The following HSD17B12 variants were observed in gnomAD, a reference collection of about 807,000 sequenced individuals.
HSD17B12 encodes hydroxysteroid 17-beta dehydrogenase 12.
A neutral mutation model predicts 39.3 loss-of-function variants in HSD17B12; 32 were observed. The ratio of observed to expected loss-of-function variants is 0.81; its 90% CI spans 0.61 to 1.09. The LOEUF (loss-of-function observed/expected upper bound fraction) is 1.09, where lower values mean the gene tolerates loss of function less well. HSD17B12 is among the 50% of genes least tolerant of loss of function. The pLI, the probability that HSD17B12 is intolerant of heterozygous loss-of-function variation, is 0.00. For missense variants in HSD17B12, 342 were observed against 382.9 expected (o/e 0.89, Z 0.89); for synonymous variants, 150 against 146.7 (o/e 1.02, Z -0.16).
the HSD17B12 span, among the ~76,000 whole-genome samples, chr11:43,628,527 G>A: frequency 2.0e-5 from 3 of 152,228 alleles, no homozygotes; most frequent in South Asian, 6.2e-4. Flanking sequence ...CTGCAGAGCT[G>A]TGTTAGCTTT....
chr11:43,631,229 A>C, the HSD17B12 span, among the ~76,000 whole-genome samples: 1 of 152,250 alleles, frequency 6.6e-6, no homozygotes, highest in African/African-American at 2.4e-5. Context: ...CAGATGGTGG[A>C]CATTTTGGCC....
At chr11:43,660,980 C>T in the HSD17B12 span, among the ~76,000 whole-genome samples, 1 of 152,284 alleles carries the variant, frequency 6.6e-6, no homozygotes, top group African/African-American at 2.4e-5. Flanking sequence ...CAAAAATGAG[C>T]TGGGTGTGGT....
chr11:43,631,570 C>CCTGTCTCTCTCTCTCTCT, the HSD17B12 span, among the ~76,000 whole-genome samples: 4 of 148,300 alleles, frequency 2.7e-5, no homozygotes, highest in African/African-American at 7.5e-5. Context: ...TCTCTCTCTG[C>CCTGTCTCTCTCTCTCTCT]CTGTCTCTCT....
At chr11:43,633,190 G>A in the HSD17B12 span, among the ~76,000 whole-genome samples, 973 of 152,236 alleles carry the variant, frequency 6.4e-3, 2 homozygotes, top group Non-Finnish European at 9.9e-3. Context: ...GAAAAAATGT[G>A]TGTTTCCTTA....
At chr11:43,665,608 G>A in the HSD17B12 span, among the ~76,000 whole-genome samples, 1 of 151,998 alleles carries the variant, frequency 6.6e-6, no homozygotes, top group African/African-American at 2.4e-5. Context: ...AGGTTTCTTG[G>A]TGTCATCCTC....
chr11:43,704,661 G>A (rs11037574), intron 1 of HSD17B12, among the ~76,000 whole-genome samples: 7,951 of 152,256 alleles, frequency 0.052, 251 homozygotes, highest in Middle Eastern at 0.17. Context: ...GTTGGTTTAG[G>A]AGCATGCATA....
the HSD17B12 span, among the ~76,000 whole-genome samples, chr11:43,600,310 T>G: frequency 4.0e-5 from 6 of 150,618 alleles, no homozygotes; most frequent in Non-Finnish European, 6.0e-5. Context: ...TGGATTTCAT[T>G]GTAAACACTT....
the HSD17B12 span, among the ~76,000 whole-genome samples, chr11:43,607,717 T>C: frequency 6.6e-6 from 1 of 152,254 alleles, no homozygotes; most frequent in Non-Finnish European, 1.5e-5. Flanking sequence ...TAGTACTACA[T>C]ACTTTCTCAA....
chr11:43,669,041 A>T, the HSD17B12 span, among the ~76,000 whole-genome samples: 1 of 151,994 alleles, frequency 6.6e-6, no homozygotes, highest in Admixed American at 6.6e-5. Flanking sequence ...ACTGATATTG[A>T]AGAAAATAAA....
rs776512759 is a variant in HSD17B12, at chr11:43,854,807, A to G, written c.777A>G (p.Ala259=). 1.2e-6 allele frequency: 2 copies of G among 1,614,100 alleles called. No homozygotes were observed. The highest frequency in any genetic ancestry group is 4.5e-5 in the East Asian group (2 of 44,906). ...KPSPETFVKS[A]IKTVGLQSRT... is the part of the protein sequence containing the mutation. ...CTCCGGAGACGTTTGTGAAGTCTGC[A>G]ATTAAAACAGTCGGCCTGCAATCCC... Residue 259 remains alanine, a synonymous_variant, in exon 10 of 11, where the codon GCA becomes GCG. Transcript: ENST00000278353.
chr11:43,836,559 G>A (rs1305135590), intron 7 of HSD17B12, among the ~76,000 whole-genome samples: 1 of 151,984 alleles, frequency 6.6e-6, no homozygotes, highest in Non-Finnish European at 1.5e-5. Context: ...ACCCATTAAA[G>A]TATACACTTT....
intron 3 of HSD17B12, among the ~76,000 whole-genome samples, chr11:43,779,882 T>C (rs1347207943): frequency 6.6e-6 from 1 of 151,920 alleles, no homozygotes; most frequent in African/African-American, 2.4e-5. Context: ...TACTACTGTT[T>C]ATCATCCTGG....
intron 3 of HSD17B12, among the ~76,000 whole-genome samples, 184 bp downstream of exon 3, chr11:43,754,305 G>T (rs1441832100): frequency 2.0e-5 from 3 of 152,194 alleles, no homozygotes; most frequent in Non-Finnish European, 4.4e-5. Flanking sequence ...GGGTGCGGTG[G>T]CTCACGCCTG....
the HSD17B12 span, among the ~76,000 whole-genome samples, chr11:43,564,506 C>G: frequency 6.6e-6 from 1 of 152,172 alleles, no homozygotes; most frequent in Non-Finnish European, 1.5e-5. Context: ...AGTTTATAAG[C>G]TCTCAGATTT....
At chr11:43,808,807 A>T (rs995438810) in intron 4 of HSD17B12, among the ~76,000 whole-genome samples, 3 of 152,268 alleles carry the variant, frequency 2.0e-5, no homozygotes, top group Non-Finnish European at 2.9e-5. Context: ...TGCTACTCAC[A>T]AATGTATGAA....
chr11:43,708,622 C>T (rs563589163), intron 1 of HSD17B12, among the ~76,000 whole-genome samples: 10 of 152,234 alleles, frequency 6.6e-5, no homozygotes, highest in Non-Finnish European at 1.0e-4. Flanking sequence ...TTACTGGGAC[C>T]GCAGTAGTTG....
intron 3 of HSD17B12, among the ~76,000 whole-genome samples, chr11:43,792,378 A>G (rs1260416051): frequency 5.9e-5 from 9 of 152,138 alleles, no homozygotes; most frequent in Admixed American, 5.2e-4. Flanking sequence ...TACAAACTGA[A>G]TTTTATGAAT....
At chr11:43,699,314 TTTA>T (rs1355879691) in intron 1 of HSD17B12, among the ~76,000 whole-genome samples, 1 of 152,204 alleles carries the variant, frequency 6.6e-6, no homozygotes, top group African/African-American at 2.4e-5. Context: ...CTTAAGGCTT[TTTA>T]TTATTCTCTT....
the HSD17B12 span, among the ~76,000 whole-genome samples, chr11:43,628,442 C>A: frequency 1.2e-4 from 19 of 152,130 alleles, no homozygotes; most frequent in Non-Finnish European, 2.2e-4. Flanking sequence ...TTCACACACA[C>A]CCTCACCCCC....
Sources: allele counts gnomAD v4.1 joint callset (sites outside exome capture counted in the v4.1 genomes callset), GRCh38; gene constraint gnomAD v4.1.1; transcripts MANE v1.5; gene names NCBI Gene and HGNC (gene_info 2026-07-23, HGNC 2026-07-21).